Variants in BMPER observed in about 807,000 individuals in gnomAD.
BMPER encodes BMP-binding endothelial regulator protein.
A neutral mutation model predicts 87.3 loss-of-function variants in BMPER; 45 were observed. That is an observed-to-expected ratio of 0.52 (90% CI 0.41 to 0.66). BMPER has a LOEUF of 0.66. Ranked by LOEUF, BMPER falls within the 30% of genes least tolerant of loss-of-function variation. BMPER has a pLI of 0.00. For synonymous variants in BMPER, 326 were observed against 316.2 expected, an observed-to-expected ratio of 1.03 and a Z score of -0.33; for missense variants, 784 against 867.5, an observed-to-expected ratio of 0.90 and a Z score of 1.21.
chr7:33,924,135 T>C (rs1340558983), intron 2 of BMPER, among the ~76,000 whole-genome samples: 1 of 152,218 alleles, frequency 6.6e-6, no homozygotes, highest in East Asian at 1.9e-4. Flanking sequence ...TGACATCAGC[T>C]GCATGGCTCC....
chr7:34,069,286 A>G (rs78577805), intron 11 of BMPER, among the ~76,000 whole-genome samples: 9,519 of 152,296 alleles, frequency 0.063, 389 homozygotes, highest in African/African-American at 0.11. Context: ...GAAGTACTGT[A>G]TAACTAATTA....
intron 13 of BMPER, among the ~76,000 whole-genome samples, chr7:34,141,397 G>A (rs1790865362): frequency 6.6e-6 from 1 of 151,972 alleles, no homozygotes; most frequent in African/African-American, 2.4e-5. Context: ...ATCATCTGAG[G>A]TCAGGAGTTC....
At chr7:33,972,148 C>A (rs540032935) in intron 5 of BMPER, among the ~76,000 whole-genome samples, 17 of 152,230 alleles carry the variant, frequency 1.1e-4, no homozygotes, top group Non-Finnish European at 1.9e-4. Context: ...CGTGGTCCAC[C>A]CTCCTTGGCC....
chr7:34,134,502 A>G (rs1790671053), intron 13 of BMPER, among the ~76,000 whole-genome samples: 2 of 152,130 alleles, frequency 1.3e-5, no homozygotes, highest in African/African-American at 2.4e-5. Flanking sequence ...AAGAGTGACA[A>G]TTCAGCAAAA....
chr7:34,026,863 T>C (rs550337191), intron 6 of BMPER, among the ~76,000 whole-genome samples: 42 of 152,238 alleles, frequency 2.8e-4, no homozygotes, highest in Admixed American at 2.6e-3. Context: ...TTATGGATTC[T>C]TGACAGTTTT....
chr7:33,961,725 A>G (rs763929700), intron 3 of BMPER, among the ~76,000 whole-genome samples: 6 of 152,128 alleles, frequency 3.9e-5, no homozygotes, highest in Non-Finnish European at 7.3e-5. Flanking sequence ...GTAGCGCAAG[A>G]GAGTAAAGTT....
At chr7:34,132,415 C>G (rs1027467919) in intron 13 of BMPER, among the ~76,000 whole-genome samples, 1 of 152,058 alleles carries the variant, frequency 6.6e-6, no homozygotes, top group Non-Finnish European at 1.5e-5. Flanking sequence ...GCCCCAGGAT[C>G]GAAGCCAGTT....
chr7:34,042,678 T>C (rs1325124336), intron 6 of BMPER: 2 of 152,180 alleles, frequency 1.3e-5, no homozygotes, highest in East Asian at 3.9e-4. Context: ...AAATACTCAT[T>C]CAGATTCTAG....
At position 34,074,613 on chromosome 7, in the gene BMPER, C is replaced by T. The variant is rs374579084; in HGVS notation, c.1079-4244C>T. On this transcript the variant is annotated intron_variant, in intron 11 of 14. Coordinates refer to ENST00000649409, the MANE Select transcript of BMPER (RefSeq NM_001365308.1). ...AGTTTGGACTGAAAAGGTTTAAAGC[C>T]GTGTTTTTTTATGTGTTGGGCTTCC... Among the ~76,000 whole-genome samples the T allele has an allele frequency of 1.2e-4, 18 of 152,222 alleles. No individual in the cohort carries two copies. In the East Asian group the frequency reaches 1.3e-3, roughly 11 times the overall value.
At chr7:34,004,059 C>T (rs1313346907) in intron 6 of BMPER, among the ~76,000 whole-genome samples, 1 of 152,078 alleles carries the variant, frequency 6.6e-6, no homozygotes, top group Non-Finnish European at 1.5e-5. Flanking sequence ...AGTAGCGTTC[C>T]ACACATCTCT....
chr7:34,018,426 A>G (rs1236137044), intron 6 of BMPER, among the ~76,000 whole-genome samples: 3 of 151,972 alleles, frequency 2.0e-5, no homozygotes, highest in Admixed American at 1.3e-4. Context: ...GATATCTAGC[A>G]CTGAAGGTGG....
chr7:34,021,893 A>G (rs1585745276), intron 6 of BMPER, among the ~76,000 whole-genome samples: 1 of 152,148 alleles, frequency 6.6e-6, no homozygotes, highest in Admixed American at 6.6e-5. Context: ...GTAGTGGAAA[A>G]CAGAGATGAG....
At chr7:34,144,533 T>C (rs1332805137) in intron 14 of BMPER, among the ~76,000 whole-genome samples, 3 of 151,348 alleles carry the variant, frequency 2.0e-5, no homozygotes, top group Non-Finnish European at 4.4e-5. Context: ...GAAAAACTGA[T>C]GGTGGCTTGA....
Position 33,906,670 on chromosome 7 carries a change from G to A in BMPER, c.134-148G>A, listed in dbSNP as rs539402961. The A allele has an allele frequency of 4.1e-6, 3 of 725,804 alleles. No individual in the cohort carries two copies. The East Asian group carries it at 8.1e-5, about 20-fold the overall frequency. 45.0% of individuals were successfully genotyped at this position (725,804 alleles called of 1,614,324 possible). On this transcript the variant is annotated intron_variant, in intron 1 of 14. Transcript: ENST00000649409. Reference sequence around the variant, plus strand: ...AAATGGAGTTGGGGGCAGAGGTTTTGCTTTGGTGAATTTAATAATTTAAAC... The same window carrying A: ...AAATGGAGTTGGGGGCAGAGGTTTTACTTTGGTGAATTTAATAATTTAAAC...
chr7:33,998,344 G>A (rs1033802369), intron 6 of BMPER, among the ~76,000 whole-genome samples: 15 of 152,116 alleles, frequency 9.9e-5, no homozygotes, highest in African/African-American at 3.6e-4. Context: ...ACCCTCTAAT[G>A]GGCCCTTCTA....
chr7:33,963,730 T>G (rs1051414485), intron 3 of BMPER, among the ~76,000 whole-genome samples: 5 of 151,922 alleles, frequency 3.3e-5, no homozygotes, highest in Non-Finnish European at 7.4e-5. Context: ...GAGGCGGAGG[T>G]TGCAGTAAGC....
At chr7:34,019,271 C>T (rs1429840138) in intron 6 of BMPER, among the ~76,000 whole-genome samples, 1 of 151,974 alleles carries the variant, frequency 6.6e-6, no homozygotes, top group African/African-American at 2.4e-5. Flanking sequence ...TTTAATAAAT[C>T]ACACCATACA....
chr7:34,031,933 C>CACACACACACACATATATAT (rs1787533638), intron 6 of BMPER, among the ~76,000 whole-genome samples: 1 of 128,164 alleles, frequency 7.8e-6, no homozygotes, highest in Non-Finnish European at 1.6e-5. Context: ...TATATACACA[C>CACACACACACACATATATAT]ACACACACAC....
chr7:33,960,691 T>C (rs1562654265), intron 3 of BMPER, among the ~76,000 whole-genome samples: 1 of 152,226 alleles, frequency 6.6e-6, no homozygotes, highest in Non-Finnish European at 1.5e-5. Context: ...TTCACTTATC[T>C]GAATAGCTCC....
Sources: gnomAD v4.1 joint callset for allele counts (sites outside exome capture counted in the v4.1 genomes callset) on GRCh38, gnomAD v4.1.1 for gene constraint, MANE v1.5 for transcripts, NCBI Gene and HGNC (gene_info 2026-07-23, HGNC 2026-07-21) for gene names.